Variants in RASGRF1 observed in about 807,000 individuals in gnomAD.
The protein encoded by RASGRF1 is ras-specific guanine nucleotide-releasing factor 1.
RASGRF1 carries 40 observed loss-of-function variants against 138.7 expected under a neutral mutation model. That is an observed-to-expected ratio of 0.29 (90% confidence interval 0.22 to 0.38). The LOEUF is 0.38. RASGRF1 is among the 10% of genes least tolerant of loss of function. RASGRF1 has a pLI of 1.00. For synonymous variants in RASGRF1, 614 were observed against 663.2 expected (o/e 0.93, Z 1.14); for missense variants, 1,108 against 1,650.4 (o/e 0.67, Z 5.69).
chr15:79,043,836 T>A (rs2057326050), intron 5 of RASGRF1, among the ~76,000 whole-genome samples: 1 of 152,168 alleles, frequency 6.6e-6, no homozygotes, highest in African/African-American at 2.4e-5. Context: ...AGCTGGAGGA[T>A]CTTAAAGGGC....
intron 9 of RASGRF1, among the ~76,000 whole-genome samples, chr15:79,026,169 C>A (rs1411190173): frequency 6.6e-6 from 1 of 152,198 alleles, no homozygotes; most frequent in African/African-American, 2.4e-5. Context: ...GTCCACAGCT[C>A]CTCACTGTTC....
intron 22 of RASGRF1, among the ~76,000 whole-genome samples, chr15:78,989,261 G>A (rs1216737497): frequency 1.3e-5 from 2 of 152,138 alleles, no homozygotes; most frequent in Non-Finnish European, 2.9e-5. Flanking sequence ...AGTCAGTCCA[G>A]GCCCTTTGAG....
Position 78,985,042 on chromosome 15 carries a change from G to A in RASGRF1, c.3379C>T (p.Arg1127Trp), listed in dbSNP as rs1219014188. ...ACTTTGAGCCACGTCTTTTTGAGCC[G>A]GAAGATTGCACTGCGGTTCATGGAC... is the stretch of plus-strand genomic sequence containing the variant. The part of the protein sequence containing the change: ...TSSMNRSAIF[R>W]LKKTWLKVSK... Residue 1127 changes from arginine (R) to tryptophan (W), a missense_variant, in exon 23 of 27, where the codon CGG (arginine) becomes TGG (tryptophan). Arg to Trp is a moderately radical substitution (Grantham distance 101). This residue lies in a region of RASGRF1 where 686 missense variants were observed against 976.7 expected (regional missense o/e 0.70). Transcript: ENST00000558480. 4 of 1,614,128 alleles carry A rather than the reference G, an allele frequency of 2.5e-6. No homozygotes were observed. The highest frequency in any genetic ancestry group is 3.4e-6 in the Non-Finnish European group (4 of 1,180,010).
chr15:79,084,958 CG>C (rs1221382543), intron 1 of RASGRF1, among the ~76,000 whole-genome samples: 1 of 152,118 alleles, frequency 6.6e-6, no homozygotes, highest in Non-Finnish European at 1.5e-5. Flanking sequence ...GTAAAGACCC[CG>C]TTCCTTCATC....
chr15:79,039,303 A>G (rs921414575), intron 5 of RASGRF1, among the ~76,000 whole-genome samples: 53 of 150,056 alleles, frequency 3.5e-4, no homozygotes, highest in Admixed American at 6.0e-4. Flanking sequence ...TCTCAAAAAA[A>G]AAAAAAAAAA....
At chr15:79,081,630 C>A (rs1300719569) in intron 1 of RASGRF1, among the ~76,000 whole-genome samples, 1 of 152,172 alleles carries the variant, frequency 6.6e-6, no homozygotes, top group African/African-American at 2.4e-5. Flanking sequence ...TTACTGGACT[C>A]CCATAGTTCT....
At chr15:78,978,158 C>A (rs1172063600) in intron 24 of RASGRF1, among the ~76,000 whole-genome samples, 2 of 151,538 alleles carry the variant, frequency 1.3e-5, no homozygotes, top group Non-Finnish European at 2.9e-5. Context: ...TAAGGCCATT[C>A]TCCAGCCTGG....
chr15:78,980,654 C>T lies in RASGRF1; in HGVS notation c.3460G>A (p.Gly1154Ser). ...GCTTCTCTGAGATTCTTAAATCTGCCCTCAGATGACACAAGCTTTTGGAGC... is the reference window on the plus strand; with the variant it reads ...GCTTCTCTGAGATTCTTAAATCTGCTCTCAGATGACACAAGCTTTTGGAGC... ...DKLQKLVSSEGRFKNLREALK... is the reference protein window; with the variant it reads ...DKLQKLVSSESRFKNLREALK... The change falls in exon 24 of 27, where the codon GGC (glycine) becomes AGC (serine). Residue 1154 changes from glycine to serine, a missense_variant. Transcript: ENST00000558480. 1 of 1,608,044 alleles carries T rather than the reference C, an allele frequency of 6.2e-7. No individual in the cohort carries two copies. The highest frequency in any genetic ancestry group is 8.5e-7 in the Non-Finnish European group (1 of 1,174,980).
intron 20 of RASGRF1, among the ~76,000 whole-genome samples, chr15:78,993,308 T>C (rs2056318662): frequency 1.2e-5 from 1 of 84,862 alleles, no homozygotes; most frequent in Non-Finnish European, 2.7e-5. Flanking sequence ...TGGTCTGGTG[T>C]GTGTGTGGTA....
chr15:79,014,595 G>A (rs1000314138), intron 13 of RASGRF1, among the ~76,000 whole-genome samples: 14 of 152,162 alleles, frequency 9.2e-5, no homozygotes, highest in African/African-American at 3.4e-4. Flanking sequence ...AGGGGGAAAG[G>A]GTAGGAAGGC....
intron 10 of RASGRF1, among the ~76,000 whole-genome samples, chr15:79,022,426 G>A (rs192868323): frequency 6.6e-6 from 1 of 151,830 alleles, no homozygotes; most frequent in Admixed American, 6.6e-5. Context: ...GGTGACAAGA[G>A]CGAAACTCCA....
intron 3 of RASGRF1, among the ~76,000 whole-genome samples, chr15:79,054,033 C>T (rs1238323512): frequency 6.6e-6 from 1 of 152,230 alleles, no homozygotes; most frequent in Non-Finnish European, 1.5e-5. Context: ...TAGCTCAGCC[C>T]ATTTCAAGCT....
chr15:78,971,825 C>T, intron 26 of RASGRF1, 41 bp downstream of exon 26: 1 of 1,519,640 alleles, frequency 6.6e-7, no homozygotes, highest in South Asian at 1.1e-5. Context: ...GACAGAGCCA[C>T]TGTGAAAGCA....
At chr15:78,979,334 T>A in intron 24 of RASGRF1, 1 of 542,922 alleles carries the variant, frequency 1.8e-6, no homozygotes, top group Non-Finnish European at 2.8e-6. Flanking sequence ...GTGAGCAGTC[T>A]GTCAAAGCCA....
chr15:78,973,549 C>G lies in RASGRF1; in HGVS notation c.3495-129G>C. 1.5e-6 allele frequency: 1 copy of G among 687,498 alleles called. No homozygotes were observed. Among genetic ancestry groups the G allele is most frequent in the Non-Finnish European group, 2.5e-6 (1 of 396,164 alleles). 42.6% of individuals were successfully genotyped at this position (687,498 alleles called of 1,614,324 possible). The stretch of plus-strand genomic sequence containing the variant: ...GGACTTGCAGTCACCAAGAATCACA[C>G]TACACTCTAGAACTGACTATTCTAC... On this transcript the variant is annotated intron_variant, in intron 24 of 26. Transcript: ENST00000558480. This position sits in a 1 kb window ranked among gnomAD's most constrained non-coding sequence, Gnocchi z 4.9.
At chr15:79,076,986 C>A (rs1369156841) in intron 1 of RASGRF1, among the ~76,000 whole-genome samples, 1 of 152,152 alleles carries the variant, frequency 6.6e-6, no homozygotes, top group Non-Finnish European at 1.5e-5. Flanking sequence ...ATTGAATATA[C>A]CCCTCAGGCA....
chr15:78,976,787 T>C (rs1367297196), intron 24 of RASGRF1, among the ~76,000 whole-genome samples: 2 of 152,232 alleles, frequency 1.3e-5, no homozygotes, highest in Non-Finnish European at 2.9e-5. Context: ...ATTGGCCTTT[T>C]GGCCTCTCTC....
intron 4 of RASGRF1, among the ~76,000 whole-genome samples, 167 bp downstream of exon 4, chr15:79,049,329 G>A (rs1287186356): frequency 6.6e-6 from 1 of 152,022 alleles, no homozygotes; most frequent in Non-Finnish European, 1.5e-5. Context: ...ACTTGACAGG[G>A]TACCCTTCAG....
Position 79,032,054 on chromosome 15 carries a change from C to A in RASGRF1, c.1152+69G>T. On this transcript the variant is annotated intron_variant, in intron 7 of 26. Transcript: ENST00000558480. This position sits in a 1 kb window ranked among gnomAD's most constrained non-coding sequence, Gnocchi z 4.5. ...TGGGGTGCGTTAAGCACTGTGCCCCCACCGCCATGGTCCATCCCCCACACC... is the reference window on the plus strand; with the variant it reads ...TGGGGTGCGTTAAGCACTGTGCCCCAACCGCCATGGTCCATCCCCCACACC... 6.6e-7 allele frequency: 1 copy of A among 1,524,294 alleles called. No individual in the cohort carries two copies. 94.4% of individuals were successfully genotyped at this position (1,524,294 alleles called of 1,614,324 possible).
Sources: allele counts gnomAD v4.1 joint callset (sites outside exome capture counted in the v4.1 genomes callset), GRCh38; gene constraint gnomAD v4.1.1; regional missense constraint gnomAD v4.1.1; non-coding constraint Gnocchi (gnomAD v3.1); transcripts MANE v1.5; gene names NCBI Gene and HGNC (gene_info 2026-07-23, HGNC 2026-07-21).